Variants in HSPA12A observed in about 807,000 individuals in gnomAD.
HSPA12A encodes the protein heat shock 70 kDa protein 12A.
In HSPA12A, 28 loss-of-function variants were observed where a neutral mutation model predicts 69.2. The observed-to-expected ratio is 0.40, with a 90% confidence interval of 0.30 to 0.55. The LOEUF is 0.55. HSPA12A is among the 20% of genes least tolerant of loss of function. HSPA12A has a pLI of 0.38. For synonymous variants in HSPA12A, 345 were observed against 370.5 expected, an observed-to-expected ratio of 0.93 and a Z score of 0.79; for missense variants, 686 against 900.7, an observed-to-expected ratio of 0.76 and a Z score of 3.05.
At chr10:116,824,605 G>A (rs1845466416) in intron 2 of HSPA12A, among the ~76,000 whole-genome samples, 1 of 152,146 alleles carries the variant, frequency 6.6e-6, no homozygotes, top group Non-Finnish European at 1.5e-5. Context: ...AGTGGCTCAC[G>A]CCTGTAATCC....
chr10:116,719,760 G>A (rs1554884175), intron 1 of HSPA12A, among the ~76,000 whole-genome samples: 1 of 152,168 alleles, frequency 6.6e-6, no homozygotes, highest in African/African-American at 2.4e-5. Flanking sequence ...ACAACCCAAT[G>A]AGGTGGGAAA....
intron 2 of HSPA12A, among the ~76,000 whole-genome samples, chr10:116,769,071 A>G (rs6585416): frequency 0.087 from 13,313 of 152,214 alleles, 1,686 homozygotes; most frequent in African/African-American, 0.28. Flanking sequence ...AGCACAGCAC[A>G]GTGAGACACA....
At chr10:116,741,932 G>A (rs1289262506) in intron 1 of HSPA12A, among the ~76,000 whole-genome samples, 1 of 152,156 alleles carries the variant, frequency 6.6e-6, no homozygotes, top group Non-Finnish European at 1.5e-5. Flanking sequence ...GGGTGGGATG[G>A]GGCGAGGGAA....
At chr10:116,740,259 C>T (rs1368128825) in intron 1 of HSPA12A, among the ~76,000 whole-genome samples, 2 of 152,218 alleles carry the variant, frequency 1.3e-5, no homozygotes, top group Admixed American at 6.5e-5. Flanking sequence ...GGGGAGAATG[C>T]TGGTAACAGG....
At chr10:116,734,652 T>TC (rs1851257268) in intron 1 of HSPA12A, among the ~76,000 whole-genome samples, 1 of 148,276 alleles carries the variant, frequency 6.7e-6, no homozygotes, top group African/African-American at 2.5e-5. Flanking sequence ...ATTTTCAGCT[T>TC]TTTTTTTTTT....
intron 1 of HSPA12A, among the ~76,000 whole-genome samples, chr10:116,722,834 G>T (rs533373865): frequency 6.6e-6 from 1 of 152,144 alleles, no homozygotes; most frequent in South Asian, 2.1e-4. Flanking sequence ...CTCTTCATGA[G>T]ACACCATGGT....
intron 2 of HSPA12A, among the ~76,000 whole-genome samples, chr10:116,777,491 CA>C (rs1554891264): frequency 2.0e-5 from 3 of 152,218 alleles, no homozygotes; most frequent in Non-Finnish European, 2.9e-5. Context: ...ACCCAGTTCC[CA>C]AGAGCCTGCC....
intron 2 of HSPA12A, among the ~76,000 whole-genome samples, chr10:116,814,647 C>T (rs1403213766): frequency 6.6e-6 from 1 of 152,158 alleles, no homozygotes; most frequent in African/African-American, 2.4e-5. Context: ...AGTGGAAAGG[C>T]CAGACCAGGA....
chr10:116,704,607 T>A (rs1850185061), intron 3 of HSPA12A, among the ~76,000 whole-genome samples: 1 of 151,962 alleles, frequency 6.6e-6, no homozygotes, highest in Non-Finnish European at 1.5e-5. Flanking sequence ...ACTTAAAGTA[T>A]AATAATAACA....
At chr10:116,728,181 T>G (rs1851036543) in intron 1 of HSPA12A, among the ~76,000 whole-genome samples, 1 of 152,126 alleles carries the variant, frequency 6.6e-6, no homozygotes, top group Non-Finnish European at 1.5e-5. Flanking sequence ...AACCTCATGA[T>G]CCACCCACCT....
At chr10:116,760,949 T>G (rs2133101118) in intron 2 of HSPA12A, among the ~76,000 whole-genome samples, 1 of 152,270 alleles carries the variant, frequency 6.6e-6, no homozygotes, top group Non-Finnish European at 1.5e-5. Flanking sequence ...AAATATGCGC[T>G]CAACTAGAGA....
chr10:116,685,638 G>GAAA (rs202232720), intron 6 of HSPA12A, among the ~76,000 whole-genome samples: 6 of 80,150 alleles, frequency 7.5e-5, no homozygotes, highest in African/African-American at 1.9e-4. Context: ...TCCATCTCAA[G>GAAA]AAAAAAAAAA....
At chr10:116,717,711 A>C (rs1638428) in intron 1 of HSPA12A, among the ~76,000 whole-genome samples, 8,371 of 152,196 alleles carry the variant, frequency 0.055, 400 homozygotes, top group East Asian at 0.26. Flanking sequence ...CTGCTGCTGA[A>C]AAAACGACCG....
intron 2 of HSPA12A, among the ~76,000 whole-genome samples, chr10:116,819,971 C>T (rs568251430): frequency 1.8e-4 from 27 of 152,238 alleles, no homozygotes; most frequent in Non-Finnish European, 3.8e-4. Flanking sequence ...GGACTACAGG[C>T]ACATGCCACC....
intron 3 of HSPA12A, among the ~76,000 whole-genome samples, chr10:116,703,548 AT>A (rs201119452): frequency 0.032 from 4,781 of 148,854 alleles, 263 homozygotes; most frequent in African/African-American, 0.11. Flanking sequence ...AAAAAAAAAA[AT>A]AACAACAACA....
At chr10:116,810,441 C>A (rs914768743) in intron 2 of HSPA12A, among the ~76,000 whole-genome samples, 1 of 152,180 alleles carries the variant, frequency 6.6e-6, no homozygotes, top group Non-Finnish European at 1.5e-5. Context: ...TCTACCACCT[C>A]CCCTGCCCTT....
At chr10:116,712,976 CAATA>C (rs1564791430) in intron 1 of HSPA12A, among the ~76,000 whole-genome samples, 1 of 22,084 alleles carries the variant, frequency 4.5e-5, no homozygotes. Context: ...TTAAAAAATG[CAATA>C]TATATATATA....
At chr10:116,744,418 C>T (rs1211472088), upstream of HSPA12A, among the ~76,000 whole-genome samples, 1 of 152,208 alleles carries the variant, frequency 6.6e-6, no homozygotes, top group African/African-American at 2.4e-5. Flanking sequence ...TTGGCCTTGA[C>T]AGCCTGTCAG....
At chr10:116,682,839 T>C (rs1244734988) in intron 7 of HSPA12A, among the ~76,000 whole-genome samples, 52 of 150,356 alleles carry the variant, frequency 3.5e-4, no homozygotes, top group Admixed American at 3.4e-3. Flanking sequence ...TAGCTGGGAC[T>C]ACAGGCACCC....
Sources: gnomAD v4.1 joint callset for allele counts (sites outside exome capture counted in the v4.1 genomes callset) on GRCh38, gnomAD v4.1.1 for gene constraint, MANE v1.5 for transcripts, NCBI Gene and HGNC (gene_info 2026-07-23, HGNC 2026-07-21) for gene names.